The following CDH7 variants were observed in gnomAD, a reference collection of about 807,000 sequenced individuals.
CDH7 encodes the protein cadherin 7.
CDH7 carries 25 observed loss-of-function variants against 71.8 expected under a neutral mutation model. The observed-to-expected ratio is 0.35, with a 90% confidence interval of 0.25 to 0.49. The LOEUF (loss-of-function observed/expected upper bound fraction) is 0.49. Among genes scored for constraint, CDH7 ranks in the 20% least tolerant of loss-of-function variants. The probability of loss-of-function intolerance (pLI) is 0.99; values close to 1 mark genes in which losing one functional copy is unlikely to be tolerated. For synonymous variants in CDH7, 381 were observed against 363.8 expected (o/e 1.05, Z -0.54); for missense variants, 862 against 974.6 (o/e 0.88, Z 1.54).
At chr18:65,806,806 T>A (rs116057035) in intron 2 of CDH7, among the ~76,000 whole-genome samples, 67 of 152,312 alleles carry the variant, frequency 4.4e-4, no homozygotes, top group African/African-American at 1.5e-3. Flanking sequence ...AGTTTTTTAC[T>A]AAGAGTGTGG....
chr18:65,774,854 T>A (rs1312058010), intron 2 of CDH7, among the ~76,000 whole-genome samples: 3 of 152,078 alleles, frequency 2.0e-5, no homozygotes, highest in South Asian at 2.1e-4. Flanking sequence ...TAAAGCAAGC[T>A]GAAGGAAATA....
Position 65,860,369 on chromosome 18 carries a change from G to A in CDH7, c.1612+544G>A, listed in dbSNP as rs141894242. On this transcript the variant is annotated intron_variant, in intron 10 of 11. Coordinates refer to ENST00000397968, the MANE Select transcript of CDH7 (RefSeq NM_004361.5). Reference sequence around the variant, plus strand: ...TAAAAATAACAAAACTCCCTCTCGTGTCAAATTGTATTTCTCTGCTTCAAA... The same window carrying A: ...TAAAAATAACAAAACTCCCTCTCGTATCAAATTGTATTTCTCTGCTTCAAA... Among the ~76,000 whole-genome samples, 608 of 152,120 alleles carry A rather than the reference G, an allele frequency of 4.0e-3. 4 individuals are homozygous for A. The highest frequency in any genetic ancestry group is 7.5e-3 in the African/African-American group (313 of 41,512).
rs1297136960 is a variant in CDH7 at position 65,844,197 on chromosome 18, A to ATATATATATATAT, written c.1235+132_1235+133insTATATATATATAT. ...CAGATATATATATATATCGAGTTAT[A>ATATATATATATAT]ACAGCAGAGGTAAAACAGCATTAGA... On this transcript the variant is annotated intron_variant, in intron 7 of 11. Transcript: ENST00000397968. The ATATATATATATAT allele has an allele frequency of 1.7e-4, 42 of 242,024 alleles. 3 individuals are homozygous for ATATATATATATAT. The highest frequency in any genetic ancestry group is 2.8e-4 in the South Asian group (2 of 7,074). 15.0% of individuals were successfully genotyped at this position (242,024 alleles called of 1,614,324 possible).
At chr18:65,852,127 TTA>T (rs1913171630) in intron 7 of CDH7, among the ~76,000 whole-genome samples, 1 of 151,716 alleles carries the variant, frequency 6.6e-6, no homozygotes, top group African/African-American at 2.4e-5. Context: ...GTTTGACTGG[TTA>T]TGAGTTTAGA....
chr18:65,770,941 C>G (rs577439117), intron 2 of CDH7, among the ~76,000 whole-genome samples: 153 of 152,258 alleles, frequency 1.0e-3, no homozygotes, highest in African/African-American at 3.4e-3. Context: ...AAATTTCTTT[C>G]TCATCGTTCT....
At position 65,781,858 on chromosome 18, in the gene CDH7, CTTTCTT is replaced by C. The variant is rs1490700151; in HGVS notation, c.210+18808_210+18813del. Among the ~76,000 whole-genome samples, 34 of 77,162 alleles carry C rather than the reference CTTTCTT, an allele frequency of 4.4e-4. 4 individuals are homozygous for C. The highest frequency in any genetic ancestry group is 3.0e-3 in the African/African-American group (28 of 9,374). 50.6% of individuals were successfully genotyped at this position (77,162 alleles called of 152,430 possible). A position where few individuals can be genotyped will look rare whatever the true frequency, so the allele number is the denominator to read the frequency against. On this transcript the variant is annotated intron_variant, in intron 2 of 11. Coordinates refer to ENST00000397968, the MANE Select transcript of CDH7 (RefSeq NM_004361.5). ...TCTTTCTTTCTTTCTTTCTTTCTTT[CTTTCTT>C]TCTCTCTCTCTCTCTGTCTCTCTCT...
At chr18:65,859,473 C>T (rs1913482778) in intron 9 of CDH7, among the ~76,000 whole-genome samples, 1 of 152,150 alleles carries the variant, frequency 6.6e-6, no homozygotes, top group African/African-American at 2.4e-5. Flanking sequence ...TCAATTGGAA[C>T]AGCTTATTTC....
rs147299883 is a variant in CDH7, at chr18:65,883,978, A to C, written c.*3084A>C. ...AATAGTTCAGGAAGTCAATATATTT[A>C]ATTATTTTCCACTTGTCCATACAGG... On this transcript the variant is annotated 3_prime_UTR_variant, in exon 12 of 12. Coordinates refer to ENST00000397968, the MANE Select transcript of CDH7 (RefSeq NM_004361.5). The C allele has an allele frequency of 6.6e-6, 1 of 152,204 alleles. No individual in the cohort carries two copies. Among genetic ancestry groups the C allele is most frequent in the African/African-American group, 2.4e-5 (1 of 41,558 alleles). 9.4% of individuals were successfully genotyped at this position (152,204 alleles called of 1,614,324 possible).
intron 2 of CDH7, among the ~76,000 whole-genome samples, chr18:65,787,677 G>A (rs1910565582): frequency 6.6e-6 from 1 of 152,208 alleles, no homozygotes; most frequent in African/African-American, 2.4e-5. Context: ...GCAGAGCTGT[G>A]ATTACTCATT....
Position 65,762,814 on chromosome 18 carries a change from TACACA to T in CDH7, c.-28_-24del. On this transcript the variant is annotated 5_prime_UTR_variant, in exon 2 of 12. Coordinates refer to ENST00000397968, the MANE Select transcript of CDH7 (RefSeq NM_004361.5). Reference sequence around the variant, plus strand: ...TTTTCTCTTGTCAAGGTTTTTTTCTTACACAGGAAAAAGAAAGAAAAAAAAAAGAT... The same window carrying T: ...TTTTCTCTTGTCAAGGTTTTTTTCTTGGAAAAAGAAAGAAAAAAAAAAGAT... 1 of 1,592,796 alleles carries T rather than the reference TACACA, an allele frequency of 6.3e-7. No homozygotes were observed. Among genetic ancestry groups the T allele is most frequent in the Non-Finnish European group, 8.5e-7 (1 of 1,170,440 alleles).
chr18:65,777,338 T>C (rs1195324988), intron 2 of CDH7, among the ~76,000 whole-genome samples: 1 of 152,066 alleles, frequency 6.6e-6, no homozygotes, highest in African/African-American at 2.4e-5. Flanking sequence ...ACTCTCTACA[T>C]TTGAGTATGC....
chr18:65,871,363 T>C (rs939259402), intron 11 of CDH7, among the ~76,000 whole-genome samples: 2 of 152,142 alleles, frequency 1.3e-5, no homozygotes, highest in Admixed American at 1.3e-4. Flanking sequence ...TATTTTCATA[T>C]TGGAGAGCAG....
intron 7 of CDH7, among the ~76,000 whole-genome samples, chr18:65,853,920 T>TATATATATATATATAC (rs1913241878): frequency 1.4e-5 from 1 of 70,598 alleles, no homozygotes; most frequent in African/African-American, 7.6e-5. Context: ...TATATATATA[T>TATATATATATATATAC]ATATATATAT....
At chr18:65,834,149 A>G (rs1471862390) in intron 6 of CDH7, among the ~76,000 whole-genome samples, 1 of 152,212 alleles carries the variant, frequency 6.6e-6, no homozygotes, top group Non-Finnish European at 1.5e-5. Flanking sequence ...TTGTATAAGG[A>G]AGGTTAAAAG....
intron 2 of CDH7, among the ~76,000 whole-genome samples, chr18:65,785,955 T>C (rs1910497543): frequency 6.6e-6 from 1 of 152,210 alleles, no homozygotes; most frequent in Non-Finnish European, 1.5e-5. Flanking sequence ...AAACACATTA[T>C]AAATACATGT....
chr18:65,839,130 T>C (rs766203447), intron 6 of CDH7, among the ~76,000 whole-genome samples: 38 of 152,230 alleles, frequency 2.5e-4, no homozygotes, highest in Non-Finnish European at 4.0e-4. Flanking sequence ...GTATCTGTGC[T>C]CTTTAAACAT....
chr18:65,781,924 C>CTCTCTT (rs1568181928), intron 2 of CDH7, among the ~76,000 whole-genome samples: 5 of 41,198 alleles, frequency 1.2e-4, no homozygotes, highest in African/African-American at 1.9e-4. Context: ...TTCTCTCTTT[C>CTCTCTT]TCTCTCTCTC....
chr18:65,806,356 A>G (rs1911321293), intron 2 of CDH7, among the ~76,000 whole-genome samples: 1 of 152,044 alleles, frequency 6.6e-6, no homozygotes, highest in South Asian at 2.1e-4. Context: ...GGATTTAGGA[A>G]CCCAGGCAGT....
chr18:65,764,000 C>A (rs1482970690), intron 2 of CDH7, among the ~76,000 whole-genome samples: 2 of 152,008 alleles, frequency 1.3e-5, no homozygotes, highest in African/African-American at 2.4e-5. Flanking sequence ...GGTATATTAG[C>A]ACAAAATCTG....
Sources: allele counts gnomAD v4.1 joint callset (sites outside exome capture counted in the v4.1 genomes callset), GRCh38; gene constraint gnomAD v4.1.1; transcripts MANE v1.5; gene names NCBI Gene and HGNC (gene_info 2026-07-23, HGNC 2026-07-21).